Variants in SIN3B observed in about 807,000 individuals in gnomAD.
The protein encoded by SIN3B is paired amphipathic helix protein Sin3b.
Under a neutral mutation model 120.2 loss-of-function variants are expected in SIN3B, and 19 were observed. The observed-to-expected ratio is 0.16, with a 90% CI of 0.11 to 0.23. The LOEUF (loss-of-function observed/expected upper bound fraction) is 0.23, where lower values mean the gene tolerates loss of function less well. Among genes scored for constraint, SIN3B ranks in the 10% least tolerant of loss-of-function variants. SIN3B has a pLI of 1.00. For missense variants in SIN3B, 1,073 were observed against 1,573.0 expected (o/e 0.68, Z 5.38); for synonymous variants, 654 against 653.2 (o/e 1.00, Z -0.02).
chr19:16,845,771 G>A (rs945136252), intron 4 of SIN3B, among the ~76,000 whole-genome samples: 16 of 152,084 alleles, frequency 1.1e-4, no homozygotes, highest in African/African-American at 3.6e-4. Context: ...CTAGGCTGGA[G>A]TATGCACTAT....
In SIN3B at chr19:16,829,486, C is replaced by G; in HGVS notation, c.66C>G (p.Ser22Arg). 9.0e-6 allele frequency: 11 copies of G among 1,220,728 alleles called. No individual in the cohort carries two copies. Among genetic ancestry groups the G allele is most frequent in the Non-Finnish European group, 1.1e-5 (11 of 980,582 alleles). 75.6% of individuals were successfully genotyped at this position (1,220,728 alleles called of 1,614,324 possible). Residue 22 changes from serine (S) to arginine (R), a missense_variant, in exon 1 of 19, where the codon AGC becomes AGG. Physicochemically the swap from Ser to Arg is moderately radical, Grantham distance 110 (BLOSUM62 -1). Coordinates refer to ENST00000248054, the MANE Select transcript of SIN3B (RefSeq NM_001297595.2). ...GAGGPAGRGL[S>R]GARWGRSGSA... ...GCGGCCCCGCGGGCCGGGGGCTGAGCGGCGCCCGCTGGGGTCGCTCGGGCT... is the reference window on the plus strand; with the variant it reads ...GCGGCCCCGCGGGCCGGGGGCTGAGGGGCGCCCGCTGGGGTCGCTCGGGCT...
chr19:16,872,018 G>A (rs75780234), intron 14 of SIN3B, among the ~76,000 whole-genome samples: 2,259 of 152,134 alleles, frequency 0.015, 23 homozygotes, highest in Non-Finnish European at 0.025. Flanking sequence ...CAAAAACCCA[G>A]GCCCCACTGA....
At chr19:16,849,320 C>A (rs1971516077) in intron 5 of SIN3B, among the ~76,000 whole-genome samples, 1 of 152,180 alleles carries the variant, frequency 6.6e-6, no homozygotes, top group Non-Finnish European at 1.5e-5. Context: ...TGTAAAGATT[C>A]ACCTCTGCCC....
rs2051664771 is a variant in SIN3B, at chr19:16,879,493, G to A, written c.*766G>A. The A allele has an allele frequency of 2.6e-5, 4 of 152,364 alleles. No homozygotes were observed. The highest frequency in any genetic ancestry group is 9.6e-5 in the African/African-American group (4 of 41,466). The allele number at this position is 152,364 out of a possible 1,614,324, so 9.4% of individuals were successfully genotyped here. On this transcript the variant is annotated 3_prime_UTR_variant, in exon 19 of 19. Transcript: ENST00000248054. ...ACCCTGCTGTGGGGCGGCGGGCCCA[G>A]TCGTGTTCCTGCAGTGGGCACCCTA...
intron 6 of SIN3B, 41 bp from the exon 7 acceptor site, chr19:16,853,028 T>TG: frequency 6.6e-7 from 1 of 1,517,194 alleles, no homozygotes; most frequent in Non-Finnish European, 9.1e-7. Context: ...AGGCCACCGG[T>TG]GGGAGGCACA....
chr19:16,868,081 C>T (rs1971802828), intron 12 of SIN3B, among the ~76,000 whole-genome samples: 1 of 152,166 alleles, frequency 6.6e-6, no homozygotes, highest in Non-Finnish European at 1.5e-5. Context: ...CATTCCATCA[C>T]GTGATTTACA....
chr19:16,843,042 T>C (rs1204914030), intron 4 of SIN3B, among the ~76,000 whole-genome samples: 1 of 152,194 alleles, frequency 6.6e-6, no homozygotes, highest in East Asian at 1.9e-4. Context: ...TTAGACGTCC[T>C]CTTCACCCAG....
intron 3 of SIN3B, among the ~76,000 whole-genome samples, chr19:16,837,289 T>A (rs780417262): frequency 6.4e-4 from 97 of 151,856 alleles, no homozygotes; most frequent in Non-Finnish European, 1.2e-3. Flanking sequence ...GTGCTGAGAA[T>A]GAGGGGTCAG....
Position 16,878,795 on chromosome 19 carries a change from G to A in SIN3B, c.*68G>A, listed in dbSNP as rs1053284464. 154 of 1,388,618 alleles carry A rather than the reference G, an allele frequency of 1.1e-4. No individual in the cohort carries two copies. Among genetic ancestry groups the A allele is most frequent in the Non-Finnish European group, 1.4e-4 (142 of 1,027,890 alleles). 86.0% of individuals were successfully genotyped at this position (1,388,618 alleles called of 1,614,324 possible). A position where few individuals can be genotyped will look rare whatever the true frequency, so the allele number is the denominator to read the frequency against. On this transcript the variant is annotated 3_prime_UTR_variant, in exon 19 of 19. Transcript: ENST00000248054. ...ACGTGCCCTCGGCCTTGGTCGTGTC[G>A]GGGCCGTTTTCTTGAACGACGTGAG...
chr19:16,847,113 G>A lies in SIN3B; in HGVS notation c.726G>A (p.Leu242=). The A allele has an allele frequency of 1.2e-6, 2 of 1,608,876 alleles. No individual in the cohort carries two copies. Among genetic ancestry groups the A allele is most frequent in the Non-Finnish European group, 1.7e-6 (2 of 1,175,810 alleles). The stretch of plus-strand genomic sequence containing the variant: ...TCCTGCCCGAAGCCAAGCGGTCTCT[G>A]GTGAGTGCCGAGAGCCCCTGCCCAG... ...GQFLPEAKRS[L]FTGNGPCEMH... The change falls in exon 5 of 19, where the codon CTG becomes CTA. Residue 242 remains leucine (L), a splice_region_variant and synonymous_variant. Transcript: ENST00000248054.
intron 3 of SIN3B, among the ~76,000 whole-genome samples, chr19:16,834,698 T>C (rs2144574486): frequency 6.6e-6 from 1 of 152,248 alleles, no homozygotes; most frequent in East Asian, 1.9e-4. Flanking sequence ...ACAGGTGCTG[T>C]CAGGTTTCCA....
intron 9 of SIN3B, chr19:16,863,182 A>C: frequency 1.8e-6 from 1 of 541,002 alleles, no homozygotes; most frequent in South Asian, 2.5e-5. Context: ...GAATTTACCA[A>C]TGTCTGAAAT....
In SIN3B at chr19:16,878,417, G is replaced by A. The variant is rs371233614; in HGVS notation, c.3162+27G>A. The A allele has an allele frequency of 7.3e-4, 1,169 of 1,599,968 alleles. 4 individuals carry two copies. Among genetic ancestry groups the A allele is most frequent in the Non-Finnish European group, 5.4e-4 (633 of 1,173,586 alleles). ...TGCCAGGGGAGGCCTGGGCTGCCCC[G>A]ACATGCCCCTCCTCACCCCAAGTCC... On this transcript the variant is annotated intron_variant, in intron 18 of 18. Coordinates refer to ENST00000248054, the MANE Select transcript of SIN3B (RefSeq NM_001297595.2).
rs201682701 is a variant in SIN3B, at chr19:16,878,451, T to C, written c.3163-46T>C. 8.9e-5 allele frequency: 140 copies of C among 1,574,600 alleles called. No homozygotes were observed. The East Asian group carries it at 3.0e-3, about 34-fold the overall frequency. ...CTCCTCACCCCAAGTCCTGGGGCCC[T>C]GGGGGTCCAGCCCTCAGCTGCCCTG... On this transcript the variant is annotated intron_variant, in intron 18 of 18. Transcript: ENST00000248054.
In SIN3B at chr19:16,878,929, T is replaced by TTTCGCTTTTAGTGGTTGTTATTTCTGTA; in HGVS notation, c.*202_*203insTTCGCTTTTAGTGGTTGTTATTTCTGTA. 1.7e-6 allele frequency: 1 copy of TTTCGCTTTTAGTGGTTGTTATTTCTGTA among 582,364 alleles called. No homozygotes were observed. The highest frequency in any genetic ancestry group is 3.0e-6 in the Non-Finnish European group (1 of 331,902). The allele number at this position is 582,364 out of a possible 1,614,324, so 36.1% of individuals were successfully genotyped here. A position where few individuals can be genotyped will look rare whatever the true frequency, so the allele number is the denominator to read the frequency against. ...TGCTGTGTGCCAAACCTGAGCTACCTGCACCCGAGCCCTGGGGCTCAGCCC... is the reference window on the plus strand; with the variant it reads ...TGCTGTGTGCCAAACCTGAGCTACCTTTCGCTTTTAGTGGTTGTTATTTCTGTAGCACCCGAGCCCTGGGGCTCAGCCC... On this transcript the variant is annotated 3_prime_UTR_variant, in exon 19 of 19. Coordinates refer to ENST00000248054, the MANE Select transcript of SIN3B (RefSeq NM_001297595.2).
intron 14 of SIN3B, among the ~76,000 whole-genome samples, chr19:16,873,626 T>A (rs1006210309): frequency 6.6e-6 from 1 of 151,358 alleles, no homozygotes; most frequent in Non-Finnish European, 1.5e-5. Context: ...TGGAAAGCAT[T>A]GATTAATGCT....
At chr19:16,874,296 A>T (rs1444864249) in intron 14 of SIN3B, among the ~76,000 whole-genome samples, 2 of 151,714 alleles carry the variant, frequency 1.3e-5, no homozygotes, top group Non-Finnish European at 2.9e-5. Flanking sequence ...TGTTTTGTTC[A>T]GGTCTGGTCT....
At position 16,841,944 on chromosome 19, in the gene SIN3B, C is replaced by T. The variant is rs1971423171; in HGVS notation, c.558C>T (p.Phe186=). 1 of 1,613,886 alleles carries T rather than the reference C, an allele frequency of 6.2e-7. No homozygotes were observed. The highest frequency in any genetic ancestry group is 1.7e-5 in the Admixed American group (1 of 60,018). ...FLDHPEIYRS[F]LEILHTYQKE... ...ACCACCCAGAAATCTACAGGTCATTCCTGGAGATCCTGCACACGTACCAGG... is the reference window on the plus strand; with the variant it reads ...ACCACCCAGAAATCTACAGGTCATTTCTGGAGATCCTGCACACGTACCAGG... Residue 186 remains phenylalanine (F), a synonymous_variant, in exon 4 of 19, where the codon TTC becomes TTT. Coordinates refer to ENST00000248054, the MANE Select transcript of SIN3B (RefSeq NM_001297595.2).
chr19:16,874,046 C>T (rs952167436), intron 14 of SIN3B, among the ~76,000 whole-genome samples: 5 of 152,334 alleles, frequency 3.3e-5, no homozygotes, highest in South Asian at 2.1e-4. Flanking sequence ...CTGGGCTGTG[C>T]AGGCGGGTGA....
Sources: allele counts gnomAD v4.1 joint callset (sites outside exome capture counted in the v4.1 genomes callset), GRCh38; gene constraint gnomAD v4.1.1; transcripts MANE v1.5; gene names NCBI Gene and HGNC (gene_info 2026-07-23, HGNC 2026-07-21).